The following B3GALT1 variants were observed in gnomAD, a reference collection of about 807,000 sequenced individuals.
B3GALT1 encodes the protein beta-1,3-galactosyltransferase 1.
Under a neutral mutation model 23.2 loss-of-function variants are expected in B3GALT1, and 10 were observed. The ratio of observed to expected loss-of-function variants is 0.43; its 90% CI spans 0.27 to 0.73. The LOEUF (loss-of-function observed/expected upper bound fraction) is 0.73, where lower values mean the gene tolerates loss of function less well. Ranked by LOEUF, B3GALT1 falls within the 30% of genes least tolerant of loss-of-function variation. B3GALT1 has a pLI of 0.21. For missense variants in B3GALT1, 299 were observed against 405.4 expected, an observed-to-expected ratio of 0.74 and a Z score of 2.25; for synonymous variants, 156 against 141.5, an observed-to-expected ratio of 1.10 and a Z score of -0.73.
chr2:167,690,256 CATT>C (rs922708163), intron 3 of B3GALT1, among the ~76,000 whole-genome samples: 9 of 151,608 alleles, frequency 5.9e-5, no homozygotes, highest in Admixed American at 1.3e-4. Flanking sequence ...CATTTATAAA[CATT>C]ATAAAACATC....
chr2:167,586,372 T>C (rs1684585283), intron 2 of B3GALT1, among the ~76,000 whole-genome samples: 1 of 152,192 alleles, frequency 6.6e-6, no homozygotes, highest in South Asian at 2.1e-4. Flanking sequence ...CGATCTCGGC[T>C]CACTGCAACC....
rs535801971 is a variant in B3GALT1 at position 167,816,848 on chromosome 2, A to G, written c.-351-1824A>G. ...TGCTATATGCACTTTAAAGAGCAGAATGAGGGTTCATGCAGACTAAAAACT... is the reference window on the plus strand; with the variant it reads ...TGCTATATGCACTTTAAAGAGCAGAGTGAGGGTTCATGCAGACTAAAAACT... On this transcript the variant is annotated intron_variant, in intron 3 of 4. Coordinates refer to ENST00000392690, the MANE Select transcript of B3GALT1 (RefSeq NM_020981.4). Among the ~76,000 whole-genome samples the G allele has an allele frequency of 3.3e-5, 5 of 152,348 alleles. No homozygotes were observed. The South Asian group carries it at 1.0e-3, about 32-fold the overall frequency.
chr2:167,410,566 C>G (rs562202635), intron 1 of B3GALT1, among the ~76,000 whole-genome samples: 1 of 150,550 alleles, frequency 6.6e-6, no homozygotes, highest in East Asian at 2.0e-4. Context: ...AGGAATATCA[C>G]ACACTGGGGC....
At chr2:167,407,280 A>C (rs1431044413) in intron 1 of B3GALT1, among the ~76,000 whole-genome samples, 1 of 152,140 alleles carries the variant, frequency 6.6e-6, no homozygotes, top group Non-Finnish European at 1.5e-5. Context: ...AAATTAAAAA[A>C]TTATTGAAAC....
At chr2:167,792,998 A>G (rs1407380356) in intron 3 of B3GALT1, among the ~76,000 whole-genome samples, 1 of 152,112 alleles carries the variant, frequency 6.6e-6, no homozygotes, top group Non-Finnish European at 1.5e-5. Flanking sequence ...GACAGAATTT[A>G]TCAGTTAAGG....
chr2:167,729,548 C>T (rs548196640), intron 3 of B3GALT1, among the ~76,000 whole-genome samples: 42 of 152,278 alleles, frequency 2.8e-4, no homozygotes, highest in African/African-American at 1.0e-3. Context: ...GCAGTGGGAA[C>T]TTCTGCTGTG....
intron 1 of B3GALT1, among the ~76,000 whole-genome samples, chr2:167,362,877 A>G (rs1446475417): frequency 3.3e-5 from 5 of 152,052 alleles, no homozygotes; most frequent in South Asian, 2.1e-4. Context: ...TTTTTTTGAG[A>G]CGGAGTCTCG....
chr2:167,809,943 T>G (rs1313080682), intron 3 of B3GALT1, among the ~76,000 whole-genome samples: 1 of 152,230 alleles, frequency 6.6e-6, no homozygotes, highest in African/African-American at 2.4e-5. Flanking sequence ...CAGTTCGAGC[T>G]TCCTGGCTGC....
chr2:167,530,212 T>C (rs1490193330), intron 2 of B3GALT1, among the ~76,000 whole-genome samples: 2 of 152,170 alleles, frequency 1.3e-5, no homozygotes, highest in Admixed American at 1.3e-4. Flanking sequence ...TCAAACAGAT[T>C]CTACCCCCTA....
intron 2 of B3GALT1, among the ~76,000 whole-genome samples, chr2:167,643,229 A>G (rs1685686733): frequency 6.6e-6 from 1 of 152,240 alleles, no homozygotes; most frequent in African/African-American, 2.4e-5. Flanking sequence ...AGAATGAGAC[A>G]TTCAGAGCCT....
chr2:167,824,538 G>C (rs1196080460), intron 4 of B3GALT1, among the ~76,000 whole-genome samples: 1 of 152,184 alleles, frequency 6.6e-6, no homozygotes, highest in Non-Finnish European at 1.5e-5. Context: ...GGTGAAACCG[G>C]GACTTGACTC....
chr2:167,455,286 G>T (rs1173933825), intron 1 of B3GALT1, among the ~76,000 whole-genome samples: 4 of 152,102 alleles, frequency 2.6e-5, no homozygotes, highest in Non-Finnish European at 4.4e-5. Flanking sequence ...TGTTTTCCTA[G>T]ATTTGAATCC....
chr2:167,748,273 A>G (rs976165333), intron 3 of B3GALT1, among the ~76,000 whole-genome samples: 7 of 152,080 alleles, frequency 4.6e-5, no homozygotes, highest in African/African-American at 1.7e-4. Context: ...TGGGGGTGAC[A>G]GTTACTTTCA....
At chr2:167,763,574 C>G (rs1687927340) in intron 3 of B3GALT1, among the ~76,000 whole-genome samples, 1 of 151,336 alleles carries the variant, frequency 6.6e-6, no homozygotes, top group Non-Finnish European at 1.5e-5. Flanking sequence ...CACCTGTAAT[C>G]CAGCTACTCG....
rs114405471 is a variant in B3GALT1 at position 167,467,871 on chromosome 2, C to T, written c.-510-22306C>T. On this transcript the variant is annotated intron_variant, in intron 1 of 4. Coordinates refer to ENST00000392690, the MANE Select transcript of B3GALT1 (RefSeq NM_020981.4). ...TCAAAAATATATATTAAATATCTAG[C>T]GTGTGCCAGACACTGTTTATGACAT... 3.8e-3 allele frequency among the ~76,000 whole-genome samples: 575 copies of T among 152,146 alleles called. 4 individuals carry two copies. Among genetic ancestry groups the T allele is most frequent in the African/African-American group, 0.013 (550 of 41,496 alleles).
At chr2:167,480,350 C>T (rs1333390633) in intron 1 of B3GALT1, among the ~76,000 whole-genome samples, 1 of 152,182 alleles carries the variant, frequency 6.6e-6, no homozygotes, top group Non-Finnish European at 1.5e-5. Context: ...CAGCCCCACA[C>T]CCAGGAATGA....
intron 4 of B3GALT1, among the ~76,000 whole-genome samples, chr2:167,868,268 T>C (rs1305958874): frequency 6.6e-6 from 1 of 152,142 alleles, no homozygotes; most frequent in African/African-American, 2.4e-5. Context: ...TACTTCTAAG[T>C]CTGAACCAAG....
intron 3 of B3GALT1, among the ~76,000 whole-genome samples, chr2:167,780,928 T>G (rs1688235404): frequency 6.6e-6 from 1 of 152,212 alleles, no homozygotes. Context: ...ATTGTGAATG[T>G]ACTAAGTGCT....
At chr2:167,505,967 G>C (rs1044501031) in intron 2 of B3GALT1, among the ~76,000 whole-genome samples, 7 of 152,046 alleles carry the variant, frequency 4.6e-5, no homozygotes, top group South Asian at 2.1e-4. Flanking sequence ...GGCTGAGGCA[G>C]GAGAATCACT....
Sources: gnomAD v4.1 joint callset for allele counts (sites outside exome capture counted in the v4.1 genomes callset) on GRCh38, gnomAD v4.1.1 for gene constraint, MANE v1.5 for transcripts, NCBI Gene and HGNC (gene_info 2026-07-23, HGNC 2026-07-21) for gene names.